The following NFKBIL1 variants were observed in gnomAD, a reference collection of about 807,000 sequenced individuals.
NFKBIL1 encodes NFKB inhibitor like 1.
Under a neutral mutation model 45.4 loss-of-function variants are expected in NFKBIL1, and 30 were observed. The ratio of observed to expected loss-of-function variants is 0.66; its 90% CI spans 0.49 to 0.90. NFKBIL1 has a LOEUF of 0.90. NFKBIL1 is among the 40% of genes least tolerant of loss of function. The probability of loss-of-function intolerance (pLI) is 0.00; values close to 1 mark genes in which losing one functional copy is unlikely to be tolerated. For synonymous variants in NFKBIL1, 179 were observed against 197.3 expected, an observed-to-expected ratio of 0.91 and a Z score of 0.78; for missense variants, 434 against 513.4, an observed-to-expected ratio of 0.85 and a Z score of 1.49.
At chr6:31,550,587 G>A (rs891999806) in intron 2 of NFKBIL1, among the ~76,000 whole-genome samples, 1 of 152,112 alleles carries the variant, frequency 6.6e-6, no homozygotes, top group Non-Finnish European at 1.5e-5. Context: ...GGATTACCCC[G>A]AAGCAGACCT....
intron 2 of NFKBIL1, among the ~76,000 whole-genome samples, chr6:31,552,579 G>A (rs756463976): frequency 1.1e-4 from 17 of 151,966 alleles, no homozygotes; most frequent in Non-Finnish European, 5.9e-5. Flanking sequence ...GAGCCACAGC[G>A]CCTGGCCAAA....
In NFKBIL1 at chr6:31,548,394, C is replaced by T. The variant is rs533781175; in HGVS notation, c.289C>T (p.His97Tyr). Residue 97 changes from histidine (H) to tyrosine (Y), a missense_variant, in exon 2 of 4, where the codon CAT (histidine) becomes TAT (tyrosine). Coordinates refer to ENST00000376148, the MANE Select transcript of NFKBIL1 (RefSeq NM_005007.4). ...GGCTGACCCTGCCCACCAGGACCGC[C>T]ATGGGGACACGGCACTGCATGCTGC... ...LGADPAHQDR[H>Y]GDTALHAAAR... is the part of the protein sequence containing the mutation. 4.5e-6 allele frequency: 7 copies of T among 1,550,010 alleles called. No homozygotes were observed. In the East Asian group the frequency reaches 1.6e-4, roughly 35 times the overall value.
In NFKBIL1 at chr6:31,548,280, C is replaced by T; in HGVS notation, c.175C>T (p.Leu59Phe). ...GGCCCTCCTCCAGCGACACCCAGGC[C>T]TCGATGTAGATGCTGGGCAGCCCCC... ...AQALLQRHPG[L>F]DVDAGQPPPL... The change falls in exon 2 of 4, where the codon CTC (leucine) becomes TTC (phenylalanine). Residue 59 changes from leucine to phenylalanine, a missense_variant. Around this residue, in one of 4 missense-constraint regions of NFKBIL1, gnomAD observed 231 missense variants for 264.1 expected, o/e 0.87. Coordinates refer to ENST00000376148, the MANE Select transcript of NFKBIL1 (RefSeq NM_005007.4). The T allele has an allele frequency of 6.2e-7, 1 of 1,612,390 alleles. No homozygotes were observed. The highest frequency in any genetic ancestry group is 8.5e-7 in the Non-Finnish European group (1 of 1,179,842).
chr6:31,550,850 C>T (rs763126783), intron 2 of NFKBIL1, among the ~76,000 whole-genome samples: 10 of 152,052 alleles, frequency 6.6e-5, no homozygotes, highest in South Asian at 2.1e-4. Context: ...CCATCACGCC[C>T]GGCTAATTTT....
In NFKBIL1 at chr6:31,558,297, A is replaced by G. The variant is rs201719112; in HGVS notation, c.832A>G (p.Arg278Gly). The change falls in exon 4 of 4, where the codon AGG (arginine) becomes GGG (glycine). Residue 278 changes from arginine (R) to glycine (G), a missense_variant. Arg to Gly is a moderately radical substitution (Grantham distance 125). This residue lies in a region of NFKBIL1 where 128 missense variants were observed against 106.5 expected (regional missense o/e 1.20). Transcript: ENST00000376148. The surrounding 1 kb of genome is among the most constrained non-coding windows in gnomAD (Gnocchi z 7.2). ...ALGDREPKPT[R>G]AGPREEHPRG... ...AGGGGACCGAGAACCCAAGCCAACC[A>G]GGGCCGGGCCCAGGGAAGAGCACCC... 6.3e-6 allele frequency: 10 copies of G among 1,581,732 alleles called. No homozygotes were observed. The highest frequency in any genetic ancestry group is 8.6e-6 in the Non-Finnish European group (10 of 1,163,798).
chr6:31,554,654 A>G (rs1157797236), intron 2 of NFKBIL1, among the ~76,000 whole-genome samples: 1 of 152,254 alleles, frequency 6.6e-6, no homozygotes, highest in Non-Finnish European at 1.5e-5. Flanking sequence ...AGGGTTGATG[A>G]TATTCAATTT....
intron 2 of NFKBIL1, among the ~76,000 whole-genome samples, chr6:31,553,851 C>T (rs1344196855): frequency 3.3e-5 from 5 of 152,114 alleles, no homozygotes; most frequent in Admixed American, 2.0e-4. Flanking sequence ...TTAGTGGAGA[C>T]GGGGTTTCAC....
rs999117841 is a variant in NFKBIL1 at position 31,548,588 on chromosome 6, C to T, written c.334+149C>T. The stretch of plus-strand genomic sequence containing the variant: ...GTTGGCATGTGGCTGTCATTTGTCC[C>T]TTTACATTACTGAGCTACCATTGTC... On this transcript the variant is annotated intron_variant, in intron 2 of 3. Transcript: ENST00000376148. The T allele has an allele frequency of 1.1e-5, 9 of 804,386 alleles. No homozygotes were observed. In the African/African-American group the frequency reaches 1.6e-4, roughly 14 times the overall value. The allele number at this position is 804,386 out of a possible 1,614,324, so 49.8% of individuals were successfully genotyped here. A position where few individuals can be genotyped will look rare whatever the true frequency, so the allele number is the denominator to read the frequency against.
At chr6:31,551,555 C>A (rs1769429552) in intron 2 of NFKBIL1, among the ~76,000 whole-genome samples, 1 of 152,160 alleles carries the variant, frequency 6.6e-6, no homozygotes. Flanking sequence ...GGCCTTCTAA[C>A]TCCTTGGTTG....
At position 31,557,351 on chromosome 6, in the gene NFKBIL1, G is replaced by T. The variant is rs1345758539; in HGVS notation, c.335-277G>T. 3.3e-5 allele frequency among the ~76,000 whole-genome samples: 5 copies of T among 152,044 alleles called. No homozygotes were observed. Among genetic ancestry groups the T allele is most frequent in the Admixed American group, 6.5e-5 (1 of 15,272 alleles). ...TCTTGATCTCCTGACCTCGTGATCC[G>T]CCCGCCTCGGACTCCCAAAGTGCTG... On this transcript the variant is annotated intron_variant, in intron 2 of 3. Transcript: ENST00000376148. This position sits in a 1 kb window ranked among gnomAD's most constrained non-coding sequence, Gnocchi z 5.4.
At position 31,557,479 on chromosome 6, in the gene NFKBIL1, A is replaced by G; in HGVS notation, c.335-149A>G. ...CAGTCTGTATTTATCAGTGATGGTT[A>G]TTTCCTAATACCCAGGAGGCATCCA... is the stretch of plus-strand genomic sequence containing the variant. On this transcript the variant is annotated intron_variant, in intron 2 of 3. Coordinates refer to ENST00000376148, the MANE Select transcript of NFKBIL1 (RefSeq NM_005007.4). This position sits in a 1 kb window ranked among gnomAD's most constrained non-coding sequence, Gnocchi z 5.4. The G allele has an allele frequency of 2.0e-6, 1 of 495,606 alleles. No homozygotes were observed. Among genetic ancestry groups the G allele is most frequent in the Non-Finnish European group, 3.5e-6 (1 of 286,580 alleles). 30.7% of individuals were successfully genotyped at this position (495,606 alleles called of 1,614,324 possible).
intron 1 of NFKBIL1, among the ~76,000 whole-genome samples, 156 bp downstream of exon 1, chr6:31,547,907 TA>T (rs1769174058): frequency 6.6e-6 from 1 of 152,140 alleles, no homozygotes; most frequent in Non-Finnish European, 1.5e-5. Context: ...TCCTGAGCCT[TA>T]AACCAATTAT....
upstream of NFKBIL1, chr6:31,547,443 T>C (rs1256123610): frequency 7.4e-6 from 3 of 406,458 alleles, no homozygotes; most frequent in African/African-American, 6.2e-5. Flanking sequence ...TCTTCTGGTT[T>C]CAGACGGCCC....
chr6:31,555,192 T>C (rs1769648274), intron 2 of NFKBIL1, among the ~76,000 whole-genome samples: 1 of 151,764 alleles, frequency 6.6e-6, no homozygotes, highest in South Asian at 2.1e-4. Context: ...CCACCACCCA[T>C]AGGCTAGAAT....
chr6:31,557,595 G>C lies in NFKBIL1; in HGVS notation c.335-33G>C. On this transcript the variant is annotated intron_variant, in intron 2 of 3. Coordinates refer to ENST00000376148, the MANE Select transcript of NFKBIL1 (RefSeq NM_005007.4). This position sits in a 1 kb window ranked among gnomAD's most constrained non-coding sequence, Gnocchi z 5.4. ...GCTCTGCCGAGGAGTGGGAGTCCCA[G>C]CTAACTTCTGCTCCCTGCTCTCCCA... 1.4e-6 allele frequency: 2 copies of C among 1,466,466 alleles called. No individual in the cohort carries two copies. The highest frequency in any genetic ancestry group is 1.8e-6 in the Non-Finnish European group (2 of 1,102,492). The allele number at this position is 1,466,466 out of a possible 1,614,324, so 90.8% of individuals were successfully genotyped here.
In NFKBIL1 at chr6:31,557,805, G is replaced by T. The variant is rs745683230; in HGVS notation, c.512G>T (p.Gly171Val). Residue 171 changes from glycine (G) to valine (V), a missense_variant, in exon 3 of 4, where the codon GGT (glycine) becomes GTT (valine). Physicochemically the swap from Gly to Val is moderately radical, Grantham distance 109 (BLOSUM62 -3). Transcript: ENST00000376148. This position sits in a 1 kb window ranked among gnomAD's most constrained non-coding sequence, Gnocchi z 5.4. Reference sequence around the variant, plus strand: ...CGGGAATGGAGACAGAAGCTCCAGGGTGAGCTGGAGGACGAGTGGCAGGAA... The same window carrying T: ...CGGGAATGGAGACAGAAGCTCCAGGTTGAGCTGGAGGACGAGTGGCAGGAA... ...KEREWRQKLQ[G>V]ELEDEWQEVM... 1 of 1,609,542 alleles carries T rather than the reference G, an allele frequency of 6.2e-7. No individual in the cohort carries two copies. Among genetic ancestry groups the T allele is most frequent in the Admixed American group, 1.7e-5 (1 of 59,642 alleles).
intron 2 of NFKBIL1, 98 bp downstream of exon 2, chr6:31,548,537 C>G: frequency 7.6e-7 from 1 of 1,324,278 alleles, no homozygotes; most frequent in Non-Finnish European, 9.8e-7. Flanking sequence ...ATTTGGTCAT[C>G]AGGACCTAGG....
At chr6:31,549,588 C>T (rs1265921725) in intron 2 of NFKBIL1, among the ~76,000 whole-genome samples, 2 of 151,264 alleles carry the variant, frequency 1.3e-5, no homozygotes, top group Non-Finnish European at 2.9e-5. Flanking sequence ...TCCATACTCC[C>T]TTAACCACAA....
At chr6:31,556,918 A>G in intron 2 of NFKBIL1, 1 of 356,942 alleles carries the variant, frequency 2.8e-6, no homozygotes, top group Non-Finnish European at 5.8e-6. Context: ...ATATTTTCCC[A>G]GTCTGATATA....
Sources: allele counts gnomAD v4.1 joint callset (sites outside exome capture counted in the v4.1 genomes callset), GRCh38; gene constraint gnomAD v4.1.1; regional missense constraint gnomAD v4.1.1; non-coding constraint Gnocchi (gnomAD v3.1); transcripts MANE v1.5; gene names NCBI Gene and HGNC (gene_info 2026-07-23, HGNC 2026-07-21).